The following DLGAP4 variants were observed in gnomAD, a reference collection of about 807,000 sequenced individuals.
DLGAP4 encodes the protein DLG associated protein 4.
In DLGAP4, 18 loss-of-function variants were observed where a neutral mutation model predicts 86.9. The ratio of observed to expected loss-of-function variants is 0.21; its 90% CI spans 0.14 to 0.31. The LOEUF (loss-of-function observed/expected upper bound fraction) is 0.31, where lower values mean the gene tolerates loss of function less well. DLGAP4 is among the 10% of genes least tolerant of loss of function. DLGAP4 has a pLI of 1.00. For synonymous variants in DLGAP4, 548 were observed against 574.3 expected (o/e 0.95, Z 0.65); for missense variants, 1,085 against 1,362.6 (o/e 0.80, Z 3.21).
At chr20:36,409,544 A>G (rs1015237524) in intron 2 of DLGAP4, among the ~76,000 whole-genome samples, 1 of 150,646 alleles carries the variant, frequency 6.6e-6, no homozygotes, top group African/African-American at 2.4e-5. Flanking sequence ...GCAAAACCCC[A>G]TCTCTACAAA....
At chr20:36,487,768 C>T (rs937793056) in intron 7 of DLGAP4, among the ~76,000 whole-genome samples, 7 of 152,180 alleles carry the variant, frequency 4.6e-5, no homozygotes, top group African/African-American at 1.7e-4. Context: ...TCTCCTTAAT[C>T]CAGAAACCAT....
At chr20:36,489,941 CT>C (rs1214486563) in intron 7 of DLGAP4, among the ~76,000 whole-genome samples, 2 of 149,612 alleles carry the variant, frequency 1.3e-5, no homozygotes, top group Non-Finnish European at 3.0e-5. Context: ...TCACTGCAAC[CT>C]TTGCCTCCCG....
At chr20:36,437,314 C>G (rs1386226774) in intron 4 of DLGAP4, among the ~76,000 whole-genome samples, 2 of 152,194 alleles carry the variant, frequency 1.3e-5, no homozygotes. Flanking sequence ...AAGCCACACT[C>G]GGGTGATAGG....
intron 2 of DLGAP4, among the ~76,000 whole-genome samples, chr20:36,429,942 A>G (rs1238471492): frequency 1.3e-5 from 2 of 152,116 alleles, no homozygotes; most frequent in African/African-American, 4.8e-5. Flanking sequence ...CTCCCTCCAC[A>G]AACCTTGTCC....
chr20:36,333,390 C>T (rs782568883), intron 1 of DLGAP4, among the ~76,000 whole-genome samples: 3 of 152,160 alleles, frequency 2.0e-5, no homozygotes, highest in Non-Finnish European at 4.4e-5. Context: ...GCCACTCTAC[C>T]TTTGCCCACG....
intron 7 of DLGAP4, chr20:36,462,420 T>C: frequency 6.7e-7 from 1 of 1,493,052 alleles, no homozygotes; most frequent in Non-Finnish European, 8.8e-7. Context: ...AAGGCCCCCC[T>C]TTGAGCCTGC....
At chr20:36,337,143 G>A (rs1443613784) in intron 1 of DLGAP4, among the ~76,000 whole-genome samples, 1 of 152,164 alleles carries the variant, frequency 6.6e-6, no homozygotes, top group East Asian at 1.9e-4. Context: ...GTCTCAGAGA[G>A]GTTAAGTGAC....
chr20:36,429,008 C>T (rs945613607), intron 2 of DLGAP4, among the ~76,000 whole-genome samples: 9 of 152,176 alleles, frequency 5.9e-5, no homozygotes, highest in Non-Finnish European at 1.3e-4. Context: ...CTCATGTCTC[C>T]ACATCACTCT....
At chr20:36,309,942 A>C (rs1429575717) in intron 1 of DLGAP4, among the ~76,000 whole-genome samples, 3 of 152,144 alleles carry the variant, frequency 2.0e-5, no homozygotes, top group African/African-American at 7.2e-5. Flanking sequence ...CTGTCCAACC[A>C]CTGGAAGTGC....
intron 1 of DLGAP4, among the ~76,000 whole-genome samples, chr20:36,310,563 T>C (rs2065045578): frequency 6.6e-6 from 1 of 152,202 alleles, no homozygotes. Flanking sequence ...GAGCCCTGCA[T>C]CTTGGGGCAT....
intron 6 of DLGAP4, 146 bp from the exon 7 acceptor site, chr20:36,446,550 TC>T: frequency 1.4e-6 from 1 of 697,826 alleles, no homozygotes; most frequent in Non-Finnish European, 2.4e-6. Flanking sequence ...CATCTCCCCA[TC>T]CCATACGCTG....
At chr20:36,480,766 G>A (rs1268328164) in intron 7 of DLGAP4, among the ~76,000 whole-genome samples, 1 of 151,966 alleles carries the variant, frequency 6.6e-6, no homozygotes, top group Non-Finnish European at 1.5e-5. Context: ...AGCACTTCAG[G>A]AGGCCTAGGT....
chr20:36,430,468 C>T (rs758960270), intron 2 of DLGAP4, among the ~76,000 whole-genome samples: 57 of 152,008 alleles, frequency 3.7e-4, no homozygotes, highest in South Asian at 8.3e-4. Context: ...AACAATTGGA[C>T]GGTACTGCCC....
chr20:36,369,266 ACAGT>A (rs1460287742), intron 2 of DLGAP4, among the ~76,000 whole-genome samples: 5 of 152,174 alleles, frequency 3.3e-5, no homozygotes, highest in African/African-American at 1.2e-4. Context: ...GAGTGGCCAC[ACAGT>A]CATTTATTTT....
chr20:36,390,598 T>G (rs544463983), intron 2 of DLGAP4, among the ~76,000 whole-genome samples: 1 of 152,264 alleles, frequency 6.6e-6, no homozygotes, highest in African/African-American at 2.4e-5. Flanking sequence ...TGTACCCCCC[T>G]CTAGTCTAAC....
intron 1 of DLGAP4, among the ~76,000 whole-genome samples, chr20:36,361,503 T>G (rs1428282297): frequency 2.0e-5 from 3 of 152,104 alleles, no homozygotes; most frequent in Non-Finnish European, 4.4e-5. Context: ...TTGTTCCACA[T>G]GCGTTTTGAA....
intron 1 of DLGAP4, among the ~76,000 whole-genome samples, chr20:36,307,863 C>T (rs1475992874): frequency 3.9e-5 from 6 of 152,218 alleles, no homozygotes; most frequent in Non-Finnish European, 8.8e-5. Context: ...ATCAGTTGTA[C>T]AGGACCATCT....
chr20:36,467,053 T>TCG (rs1569509657), intron 7 of DLGAP4, among the ~76,000 whole-genome samples: 7 of 120,882 alleles, frequency 5.8e-5, no homozygotes, highest in East Asian at 2.2e-4. Context: ...TCTCTCTCTC[T>TCG]CTCTCTCTCT....
intron 7 of DLGAP4, among the ~76,000 whole-genome samples, chr20:36,494,691 C>G (rs1476559290): frequency 6.6e-6 from 1 of 152,190 alleles, no homozygotes; most frequent in African/African-American, 2.4e-5. Context: ...TATTCCATCA[C>G]TTCATACAAG....
Sources: gnomAD v4.1 joint callset for allele counts (sites outside exome capture counted in the v4.1 genomes callset) on GRCh38, gnomAD v4.1.1 for gene constraint, MANE v1.5 for transcripts, NCBI Gene and HGNC (gene_info 2026-07-23, HGNC 2026-07-21) for gene names.